Variants in ATIC observed in about 807,000 individuals in gnomAD.
The protein encoded by ATIC is 5-aminoimidazole-4-carboxamide ribonucleotide formyltransferase/IMP cyclohydrolase.
Under a neutral mutation model 72.5 loss-of-function variants are expected in ATIC, and 64 were observed. The ratio of observed to expected loss-of-function variants is 0.88; its 90% confidence interval spans 0.72 to 1.09. The LOEUF (loss-of-function observed/expected upper bound fraction) is 1.09. Ranked by LOEUF, ATIC falls within the 50% of genes least tolerant of loss-of-function variation. The pLI is 0.00. For missense variants in ATIC, 787 were observed against 732.4 expected, an observed-to-expected ratio of 1.07 and a Z score of -0.86; for synonymous variants, 281 against 267.1, an observed-to-expected ratio of 1.05 and a Z score of -0.51.
the ATIC span, chr2:215,363,656 G>C: frequency 2.0e-5 from 3 of 152,308 alleles, no homozygotes; most frequent in African/African-American, 4.8e-5. Context: ...TAACCAATGA[G>C]TCTCACCCTT....
rs781182446 is a variant in ATIC at position 215,336,068 on chromosome 2, G to C, written c.1042G>C (p.Glu348Gln). ...TGGTATAATTGCCCCAGGATATGAA[G>C]AAGAAGCCTTGACAATACTTTCCAA... ...SDGIIAPGYEEEALTILSKKK... is the reference protein window; with the variant it reads ...SDGIIAPGYEQEALTILSKKK... The change falls in exon 11 of 16, where the codon GAA (glutamate) becomes CAA (glutamine). Residue 348 changes from glutamate (E) to glutamine (Q), a missense_variant. By Grantham distance (29) the Glu-to-Gln change is conservative. Transcript: ENST00000236959. The C allele has an allele frequency of 6.2e-7, 1 of 1,612,842 alleles. No homozygotes were observed.
rs1206204131 is a variant in ATIC, at chr2:215,312,151, C to CG, written c.11dup (p.Gln5ProfsTer6). 2.6e-6 allele frequency: 4 copies of CG among 1,523,038 alleles called. No individual in the cohort carries two copies. Among genetic ancestry groups the CG allele is most frequent in the Non-Finnish European group, 3.5e-6 (4 of 1,142,290 alleles). The allele number at this position is 1,523,038 out of a possible 1,614,324, so 94.3% of individuals were successfully genotyped here. ...ACCCAGTGCCTGCAGCCATGGCTCC[C>CG]GGCCAGCTCGGTGAGGCCCTAGCGG... On this transcript the variant is annotated frameshift_variant, in exon 1 of 16. Transcript: ENST00000236959. LOFTEE classifies it high-confidence loss of function.
chr2:215,338,983 T>C, intron 12 of ATIC, 76 bp downstream of exon 12: 9 of 1,589,974 alleles, frequency 5.7e-6, no homozygotes, highest in Non-Finnish European at 7.7e-6. Flanking sequence ...AGCTTTACAT[T>C]TATTAAGGTC....
intron 3 of ATIC, 109 bp from the exon 4 acceptor site, chr2:215,319,556 T>A (rs2052745217): frequency 1.9e-5 from 16 of 847,414 alleles, no homozygotes; most frequent in Non-Finnish European, 2.9e-5. Context: ...AATAAATTTT[T>A]TTTTTAATCA....
In ATIC at chr2:215,349,545, G is replaced by A. The variant is rs2053111193; in HGVS notation, c.1669G>A (p.Ala557Thr). ...AATATACTTCCCCCAGAGTGGTGTG[G>A]CGTACATTGCGGCTCCCTCCGGTTC... ...NVDRAKRSGV[A>T]YIAAPSGSAA... The change falls in exon 16 of 16, where the codon GCG (alanine) becomes ACG (threonine). Residue 557 changes from alanine to threonine, a missense_variant. By Grantham distance (58) the Ala-to-Thr change is moderately conservative. Coordinates refer to ENST00000236959, the MANE Select transcript of ATIC (RefSeq NM_004044.7). 1.9e-6 allele frequency: 3 copies of A among 1,613,982 alleles called. No homozygotes were observed.
At position 215,349,746 on chromosome 2, in the gene ATIC, G is replaced by C; in HGVS notation, c.*91G>C. ...GATAACTTTTTAAAAAAATAAAACA[G>C]TATCTCTTAATCACTGGATCCATAG... On this transcript the variant is annotated 3_prime_UTR_variant, in exon 16 of 16. Coordinates refer to ENST00000236959, the MANE Select transcript of ATIC (RefSeq NM_004044.7). 1.9e-6 allele frequency: 3 copies of C among 1,600,506 alleles called. No individual in the cohort carries two copies. The South Asian group carries it at 3.3e-5, about 18-fold the overall frequency.
rs537703485 is a variant in ATIC at position 215,317,547 on chromosome 2, A to G, written c.147-610A>G. The stretch of plus-strand genomic sequence containing the variant: ...GTCGCCCAGGCTGGAGTGCAGTGGC[A>G]TGATCTCGGCTCACTGCGACCTCCA... On this transcript the variant is annotated intron_variant, in intron 2 of 15. Transcript: ENST00000236959. Among the ~76,000 whole-genome samples the G allele has an allele frequency of 1.9e-4, 29 of 152,164 alleles. No homozygotes were observed. In the South Asian group the frequency reaches 3.7e-3, roughly 20 times the overall value.
At chr2:215,355,444 G>C in the ATIC span, among the ~76,000 whole-genome samples, 2 of 152,118 alleles carry the variant, frequency 1.3e-5, no homozygotes, top group Admixed American at 1.3e-4. Flanking sequence ...TGGGCACAGG[G>C]AGAAAACAGT....
intron 12 of ATIC, among the ~76,000 whole-genome samples, chr2:215,341,295 G>A (rs2106033570): frequency 6.6e-6 from 1 of 152,278 alleles, no homozygotes; most frequent in Non-Finnish European, 1.5e-5. Context: ...ATACTGAATG[G>A]ATATTGACCT....
intron 7 of ATIC, 142 bp from the exon 8 acceptor site, chr2:215,332,240 A>C (rs1033296167): frequency 8.1e-7 from 1 of 1,239,118 alleles, no homozygotes; most frequent in African/African-American, 1.5e-5. Context: ...TTTATCATCA[A>C]GATTTTATGT....
intron 4 of ATIC, among the ~76,000 whole-genome samples, chr2:215,322,837 G>A: frequency 6.6e-6 from 1 of 152,176 alleles, no homozygotes; most frequent in Non-Finnish European, 1.5e-5. Flanking sequence ...CCATGTGCCT[G>A]CTGTTATGCC....
the ATIC span, among the ~76,000 whole-genome samples, chr2:215,365,909 A>G: frequency 2.2e-4 from 33 of 148,946 alleles, no homozygotes; most frequent in African/African-American, 7.4e-4. Context: ...GGGTTCATGC[A>G]GTTATCCTGC....
At chr2:215,323,037 C>T (rs924679050) in intron 4 of ATIC, among the ~76,000 whole-genome samples, 20 of 152,178 alleles carry the variant, frequency 1.3e-4, no homozygotes, top group Middle Eastern at 3.4e-3. Flanking sequence ...CTCTGCCTCC[C>T]GGGTTCACGC....
In ATIC at chr2:215,318,357, T is replaced by C. The variant is rs1031345029; in HGVS notation, c.223+124T>C. ...AAATTTACATATAAAGTTAATGTTA[T>C]GAAGTTGCTGCCAGATTTCATAATA... On this transcript the variant is annotated intron_variant, in intron 3 of 15. Coordinates refer to ENST00000236959, the MANE Select transcript of ATIC (RefSeq NM_004044.7). 19 of 918,946 alleles carry C rather than the reference T, an allele frequency of 2.1e-5. 1 individual carries two copies. The Admixed American group carries it at 3.0e-4, about 15-fold the overall frequency. 56.9% of individuals were successfully genotyped at this position (918,946 alleles called of 1,614,324 possible).
chr2:215,365,634 T>C, the ATIC span: 1 of 1,613,882 alleles, frequency 6.2e-7, no homozygotes, highest in Non-Finnish European at 8.5e-7. Flanking sequence ...CACCATCCTG[T>C]AGGGGTGGGG....
chr2:215,355,732 G>A, the ATIC span, among the ~76,000 whole-genome samples: 4 of 152,118 alleles, frequency 2.6e-5, no homozygotes, highest in Non-Finnish European at 4.4e-5. Context: ...TAATTTTTAT[G>A]CAAACACCTG....
At chr2:215,364,575 A>G in the ATIC span, 3 of 464,710 alleles carry the variant, frequency 6.5e-6, no homozygotes, top group Non-Finnish European at 1.2e-5. Context: ...GCTTAGGAAA[A>G]TGATTCTAAC....
chr2:215,341,134 A>T (rs888324682), intron 12 of ATIC, among the ~76,000 whole-genome samples: 3 of 152,156 alleles, frequency 2.0e-5, no homozygotes, highest in Non-Finnish European at 4.4e-5. Context: ...GACGATTAAC[A>T]TATCTTTTTT....
At chr2:215,354,348 T>G (rs1279099364), downstream of ATIC, among the ~76,000 whole-genome samples, 1 of 152,196 alleles carries the variant, frequency 6.6e-6, no homozygotes, top group Non-Finnish European at 1.5e-5. Flanking sequence ...AATTTTTTCC[T>G]GGGTATTTTC....
Sources: allele counts gnomAD v4.1 joint callset (sites outside exome capture counted in the v4.1 genomes callset), GRCh38; gene constraint gnomAD v4.1.1; transcripts MANE v1.5; gene names NCBI Gene and HGNC (gene_info 2026-07-23, HGNC 2026-07-21).